ELP2: variants seen among roughly 807,000 people sequenced by gnomAD.
The protein encoded by ELP2 is elongator acetyltransferase complex subunit 2.
In ELP2, 90 loss-of-function variants were observed where a neutral mutation model predicts 119.2. The ratio of observed to expected loss-of-function variants is 0.75; its 90% confidence interval spans 0.64 to 0.90. ELP2 has a LOEUF of 0.90. ELP2 is among the 40% of genes least tolerant of loss of function. The probability of loss-of-function intolerance (pLI) is 0.00; values close to 1 mark genes in which losing one functional copy is unlikely to be tolerated. For missense variants in ELP2, 921 were observed against 967.8 expected (o/e 0.95, Z 0.64); for synonymous variants, 339 against 331.0 (o/e 1.02, Z -0.26).
chr18:36,154,861 T>C lies in ELP2; in HGVS notation c.1137T>C (p.Thr379=). 6.2e-7 allele frequency: 1 copy of C among 1,614,150 alleles called. No individual in the cohort carries two copies. The highest frequency in any genetic ancestry group is 1.3e-5 in the African/African-American group (1 of 75,048). ...CACTTCCATTGCAGAGAGAGTGGAC[T>C]CCAGAGATTGTCATTTCAGGACACT... ...KQNTVNPREW[T]PEIVISGHFD... is the part of the protein sequence containing the mutation. The change falls in exon 12 of 22, where the codon ACT becomes ACC. Residue 379 remains threonine (T), a synonymous_variant. Transcript: ENST00000358232.
chr18:36,153,975 T>C (rs12051911), intron 11 of ELP2, among the ~76,000 whole-genome samples: 26,338 of 151,878 alleles, frequency 0.17, 3,035 homozygotes, highest in East Asian at 0.4. Context: ...AAAAGTGCTG[T>C]CCATTGCTCA....
rs1372991466 is a variant in ELP2 at position 36,180,421 on chromosome 18, T to C, written c.*5780T>C. The C allele has an allele frequency of 6.6e-6, 1 of 152,108 alleles. No individual in the cohort carries two copies. The highest frequency in any genetic ancestry group is 1.9e-4 in the East Asian group (1 of 5,196). 9.4% of individuals were successfully genotyped at this position (152,108 alleles called of 1,614,324 possible). A position where few individuals can be genotyped will look rare whatever the true frequency, so the allele number is the denominator to read the frequency against. On this transcript the variant is annotated 3_prime_UTR_variant, in exon 22 of 22. Transcript: ENST00000358232. The stretch of plus-strand genomic sequence containing the variant: ...AGAAAGGGAGAACAACAGTAACCAG[T>C]GTGTAGGATTGTTCTGAGAATTAAA...
Position 36,159,941 on chromosome 18 carries a change from G to C in ELP2, c.1631-17G>C, listed in dbSNP as rs764719023. ...ATTCACTTTTACATAGAAAAAAATA[G>C]CTTCAATTTATTCTAGAGCCTCCCA... On this transcript the variant is annotated splice_polypyrimidine_tract_variant and intron_variant, in intron 15 of 21. Coordinates refer to ENST00000358232, the MANE Select transcript of ELP2 (RefSeq NM_018255.4). 2 of 1,613,706 alleles carry C rather than the reference G, an allele frequency of 1.2e-6. No individual in the cohort carries two copies. Among genetic ancestry groups the C allele is most frequent in the Non-Finnish European group, 1.7e-6 (2 of 1,179,824 alleles).
intron 11 of ELP2, among the ~76,000 whole-genome samples, chr18:36,149,910 C>T (rs1371026953): frequency 1.3e-5 from 2 of 152,132 alleles, no homozygotes; most frequent in Non-Finnish European, 2.9e-5. Context: ...ATATCTCTAC[C>T]CATTGTTGGA....
Position 36,136,945 on chromosome 18 carries a change from A to G in ELP2, c.288+568A>G, listed in dbSNP as rs552196442. On this transcript the variant is annotated intron_variant, in intron 3 of 21. Coordinates refer to ENST00000358232, the MANE Select transcript of ELP2 (RefSeq NM_018255.4). ...TTTTTAAAAATTCTCTGATTGAGCT[A>G]TAACTGCTTAAAGATGTGAAATGAG... Among the ~76,000 whole-genome samples, 12 of 152,304 alleles carry G rather than the reference A, an allele frequency of 7.9e-5. No individual in the cohort carries two copies. The East Asian group carries it at 1.2e-3, about 15-fold the overall frequency.
intron 11 of ELP2, among the ~76,000 whole-genome samples, chr18:36,147,614 A>G (rs763730235): frequency 9.3e-5 from 14 of 150,240 alleles, no homozygotes; most frequent in Admixed American, 9.3e-4. Flanking sequence ...GGGTTTCACC[A>G]TGTTGGCCAG....
At chr18:36,166,879 A>G in intron 18 of ELP2, 1 of 327,570 alleles carries the variant, frequency 3.1e-6, no homozygotes, top group Non-Finnish European at 5.5e-6. Flanking sequence ...CAGTCACTAG[A>G]GAGTGACCAG....
In ELP2 at chr18:36,149,601, T is replaced by A. The variant is rs113829703; in HGVS notation, c.1125+3220T>A. On this transcript the variant is annotated intron_variant, in intron 11 of 21. Transcript: ENST00000358232. ...GAGAAAAAATAAATTAAAAAAAAAA[T>A]TTTTTTGAGGCGATTTGGGGAAGAA... 7.2e-4 allele frequency among the ~76,000 whole-genome samples: 103 copies of A among 144,050 alleles called. No homozygotes were observed. In the Middle Eastern group the frequency reaches 0.012, roughly 17 times the overall value. 94.5% of individuals were successfully genotyped at this position (144,050 alleles called of 152,430 possible).
At chr18:36,166,319 G>GTTT (rs60477950) in intron 18 of ELP2, among the ~76,000 whole-genome samples, 828 of 71,476 alleles carry the variant, frequency 0.012, 126 homozygotes, top group Middle Eastern at 0.037. Flanking sequence ...GTTTTTTAGG[G>GTTT]TTTTTTTTTT....
At chr18:36,173,447 C>CT (rs1399528071) in intron 21 of ELP2, among the ~76,000 whole-genome samples, 1 of 152,214 alleles carries the variant, frequency 6.6e-6, no homozygotes, top group Non-Finnish European at 1.5e-5. Flanking sequence ...CTTCCAGGTG[C>CT]TTTCAACAGT....
rs2089525824 is a variant in ELP2 at position 36,129,922 on chromosome 18, C to G, written c.-12C>G. The G allele has an allele frequency of 6.2e-7, 1 of 1,614,200 alleles. No individual in the cohort carries two copies. On this transcript the variant is annotated 5_prime_UTR_variant, in exon 1 of 22. Transcript: ENST00000358232. Reference sequence around the variant, plus strand: ...GCGCGTCTCTTGTTTGTGCGGCTGACCAGTTGGCGACATGGTGGCACCCGT... The same window carrying G: ...GCGCGTCTCTTGTTTGTGCGGCTGAGCAGTTGGCGACATGGTGGCACCCGT...
intron 5 of ELP2, chr18:36,139,452 G>A (rs2089946078): frequency 6.5e-7 from 1 of 1,535,684 alleles, no homozygotes; most frequent in Non-Finnish European, 8.7e-7. Flanking sequence ...GAACGAGGCA[G>A]GGCCTGGAAG....
In ELP2 at chr18:36,167,140, C is replaced by A; in HGVS notation, c.1994C>A (p.Thr665Asn). ...CTTTTTGCCTTCACCAACAAAATTA[C>A]TTCTGTGCACAGTAGAATTATTTGG... ...FSLFAFTNKI[T>N]SVHSRIIWSC... Residue 665 changes from threonine to asparagine, a missense_variant, in exon 19 of 22, where the codon ACT (threonine) becomes AAT (asparagine). Coordinates refer to ENST00000358232, the MANE Select transcript of ELP2 (RefSeq NM_018255.4). 6.2e-7 allele frequency: 1 copy of A among 1,601,418 alleles called. No individual in the cohort carries two copies. Among genetic ancestry groups the A allele is most frequent in the Non-Finnish European group, 8.5e-7 (1 of 1,173,398 alleles).
chr18:36,156,806 G>T lies in ELP2; in HGVS notation c.1464+152G>T, dbSNP rs1233354200. The T allele has an allele frequency of 6.7e-6, 5 of 749,086 alleles. No individual in the cohort carries two copies. In the Admixed American group the frequency reaches 1.4e-4, roughly 20 times the overall value. The allele number at this position is 749,086 out of a possible 1,614,324, so 46.4% of individuals were successfully genotyped here. On this transcript the variant is annotated intron_variant, in intron 13 of 21. Coordinates refer to ENST00000358232, the MANE Select transcript of ELP2 (RefSeq NM_018255.4). The stretch of plus-strand genomic sequence containing the variant: ...ATGTGACAAAGTTTTTGTGCACTGT[G>T]GGGTGTAATAATTTAAATACTAAAA...
rs77814048 is a variant in ELP2 at position 36,157,970 on chromosome 18, A to G, written c.1465-865A>G. 3.9e-3 allele frequency among the ~76,000 whole-genome samples: 601 copies of G among 152,324 alleles called. 5 individuals are homozygous for G. Among genetic ancestry groups the G allele is most frequent in the African/African-American group, 0.014 (577 of 41,560 alleles). The stretch of plus-strand genomic sequence containing the variant: ...TGTACACTTAGTTCTGTGTCCTAAG[A>G]TACAGGGATCCTGTAGAGTAGCGAG... On this transcript the variant is annotated intron_variant, in intron 13 of 21. Transcript: ENST00000358232.
Position 36,159,256 on chromosome 18 carries a change from G to A in ELP2, c.1534+352G>A, listed in dbSNP as rs985769025. ...GCCTCCCAAATAGCTGGGACTACAG[G>A]CATGTGCTACCATGCCCAGCTAATT... On this transcript the variant is annotated intron_variant, in intron 14 of 21. Coordinates refer to ENST00000358232, the MANE Select transcript of ELP2 (RefSeq NM_018255.4). 2.4e-4 allele frequency among the ~76,000 whole-genome samples: 37 copies of A among 152,074 alleles called. 1 individual carries two copies. The highest frequency in any genetic ancestry group is 1.9e-3 in the Admixed American group (29 of 15,260).
rs28463092 is a variant in ELP2 at position 36,159,822 on chromosome 18, T to C, written c.1622T>C (p.Ile541Thr). ...EYQQVAFQPS[I>T]LTEPPTEDHL... The stretch of plus-strand genomic sequence containing the variant: ...CAGCAGGTGGCCTTTCAGCCCTCCA[T>C]ACTTACTGGTAAGATGTGACAAAGA... Residue 541 changes from isoleucine to threonine, a missense_variant, in exon 15 of 22, where the codon ATA becomes ACA. Transcript: ENST00000358232. The C allele has an allele frequency of 2.8e-3, 4,494 of 1,613,686 alleles. 107 individuals are homozygous for C. The African/African-American group carries it at 0.054, about 19-fold the overall frequency.
At position 36,145,973 on chromosome 18, in the gene ELP2, A is replaced by T. The variant is rs1389450136; in HGVS notation, c.918A>T (p.Arg306Ser). Reference sequence around the variant, plus strand: ...ATGGTGTCCTACAGCAGCCAGTGAGATTATTATCTGCTTCCATGGATAAAA... The same window carrying T: ...ATGGTGTCCTACAGCAGCCAGTGAGTTTATTATCTGCTTCCATGGATAAAA... ...YKDGVLQQPV[R>S]LLSASMDKTM... The change falls in exon 10 of 22, where the codon AGA becomes AGT. Residue 306 changes from arginine to serine, a missense_variant. Arg to Ser is a moderately radical substitution (Grantham distance 110). Coordinates refer to ENST00000358232, the MANE Select transcript of ELP2 (RefSeq NM_018255.4). 8 of 1,613,714 alleles carry T rather than the reference A, an allele frequency of 5.0e-6. No homozygotes were observed. Among genetic ancestry groups the T allele is most frequent in the Non-Finnish European group, 6.8e-6 (8 of 1,179,768 alleles).
intron 11 of ELP2, among the ~76,000 whole-genome samples, chr18:36,150,143 G>A (rs1241588475): frequency 1.3e-5 from 2 of 152,108 alleles, no homozygotes; most frequent in African/African-American, 2.4e-5. Flanking sequence ...CATGTTCAGG[G>A]CCTTCCCACC....
Sources: allele counts gnomAD v4.1 joint callset (sites outside exome capture counted in the v4.1 genomes callset), GRCh38; gene constraint gnomAD v4.1.1; transcripts MANE v1.5; gene names NCBI Gene and HGNC (gene_info 2026-07-23, HGNC 2026-07-21).